Variants in GRM8 observed in about 807,000 individuals in gnomAD.
The protein encoded by GRM8 is metabotropic glutamate receptor 8.
Under a neutral mutation model 87.2 loss-of-function variants are expected in GRM8, and 47 were observed. The ratio of observed to expected loss-of-function variants is 0.54; its 90% CI spans 0.43 to 0.69. The LOEUF (loss-of-function observed/expected upper bound fraction) is 0.69, where lower values mean the gene tolerates loss of function less well. Ranked by LOEUF, GRM8 falls within the 30% of genes least tolerant of loss-of-function variation. The probability of loss-of-function intolerance (pLI) is 0.00; values close to 1 mark genes in which losing one functional copy is unlikely to be tolerated. For missense variants in GRM8, 1,019 were observed against 1,139.2 expected (o/e 0.89, Z 1.52); for synonymous variants, 396 against 404.5 (o/e 0.98, Z 0.25).
At chr7:126,990,873 G>A (rs188711671) in intron 3 of GRM8, among the ~76,000 whole-genome samples, 44 of 152,198 alleles carry the variant, frequency 2.9e-4, no homozygotes, top group Admixed American at 2.9e-3. Flanking sequence ...AAAAATAAAT[G>A]TTGCTTTTTT....
chr7:127,022,828 G>C (rs529011346), intron 3 of GRM8, among the ~76,000 whole-genome samples: 1 of 152,040 alleles, frequency 6.6e-6, no homozygotes, highest in African/African-American at 2.4e-5. Context: ...GTGTAGCATA[G>C]TGACTTCAGT....
At chr7:126,927,814 C>T (rs1399155235) in intron 3 of GRM8, among the ~76,000 whole-genome samples, 2 of 152,122 alleles carry the variant, frequency 1.3e-5, no homozygotes, top group Non-Finnish European at 2.9e-5. Flanking sequence ...TGTGGCAATT[C>T]CTCAAGGATC....
intron 2 of GRM8, among the ~76,000 whole-genome samples, chr7:127,196,594 A>T (rs1397855699): frequency 6.6e-6 from 1 of 152,070 alleles, no homozygotes; most frequent in Non-Finnish European, 1.5e-5. Context: ...CCTTTAGATA[A>T]CATATTATTC....
intron 7 of GRM8, among the ~76,000 whole-genome samples, chr7:126,730,982 C>G (rs970339813): frequency 5.9e-5 from 9 of 152,052 alleles, no homozygotes; most frequent in African/African-American, 2.2e-4. Flanking sequence ...ATTTTATTAA[C>G]AAACCTTGTT....
At chr7:127,033,402 C>T (rs754481664) in intron 3 of GRM8, among the ~76,000 whole-genome samples, 2 of 151,912 alleles carry the variant, frequency 1.3e-5, no homozygotes, top group Admixed American at 6.6e-5. Context: ...ACACCTATAT[C>T]TCTAGTAATA....
intron 9 of GRM8, among the ~76,000 whole-genome samples, chr7:126,472,596 A>G (rs1422286267): frequency 6.6e-6 from 1 of 152,206 alleles, no homozygotes; most frequent in African/African-American, 2.4e-5. Flanking sequence ...ATGCAATAGA[A>G]AGTGAAAACC....
chr7:126,926,373 G>C (rs1365440616), intron 3 of GRM8, among the ~76,000 whole-genome samples: 1 of 152,014 alleles, frequency 6.6e-6, no homozygotes, highest in Non-Finnish European at 1.5e-5. Context: ...CATTCAATGA[G>C]TCACTAAGTC....
chr7:126,568,066 A>G (rs1356547078), intron 8 of GRM8, among the ~76,000 whole-genome samples: 1 of 152,204 alleles, frequency 6.6e-6, no homozygotes, highest in Non-Finnish European at 1.5e-5. Flanking sequence ...AATTAAAATT[A>G]TTTGGTAAAC....
chr7:126,609,709 T>C (rs1277226932), intron 7 of GRM8, among the ~76,000 whole-genome samples: 2 of 152,204 alleles, frequency 1.3e-5, no homozygotes, highest in East Asian at 1.9e-4. Flanking sequence ...ACGTGCTTTA[T>C]TGTACATATT....
At chr7:127,082,850 C>A (rs532172968) in intron 3 of GRM8, among the ~76,000 whole-genome samples, 35 of 152,236 alleles carry the variant, frequency 2.3e-4, no homozygotes, top group African/African-American at 8.4e-4. Context: ...GCAGGTGGGG[C>A]TTGGAGAAAT....
chr7:126,878,651 C>G (rs1799746753), intron 6 of GRM8, among the ~76,000 whole-genome samples: 1 of 151,746 alleles, frequency 6.6e-6, no homozygotes, highest in Admixed American at 6.6e-5. Context: ...TCCCAAATAG[C>G]TGGGATTATG....
Position 127,106,602 on chromosome 7 carries a change from C to T in GRM8, c.621G>A (p.Val207=), listed in dbSNP as rs1247607775. The change falls in exon 3 of 11, where the codon GTG becomes GTA. Residue 207 remains valine (V), a synonymous_variant. Transcript: ENST00000339582. ...PPDSYQAQAM[V]DIVTALGWNY... ...TCCATCCCAGTGCTGTCACGATGTCCACCATGGCTTGGGCTTGGTAGGAGT... is the reference window on the plus strand; with the variant it reads ...TCCATCCCAGTGCTGTCACGATGTCTACCATGGCTTGGGCTTGGTAGGAGT... The T allele has an allele frequency of 6.2e-7, 1 of 1,614,010 alleles. No individual in the cohort carries two copies. Among genetic ancestry groups the T allele is most frequent in the Admixed American group, 1.7e-5 (1 of 60,000 alleles).
chr7:126,634,316 C>T (rs896396176), intron 7 of GRM8, among the ~76,000 whole-genome samples: 41 of 152,148 alleles, frequency 2.7e-4, no homozygotes, highest in African/African-American at 9.9e-4. Flanking sequence ...TATTGAAGTC[C>T]TGCAGTGCCA....
intron 3 of GRM8, among the ~76,000 whole-genome samples, chr7:126,919,838 C>T (rs186691171): frequency 1.6e-3 from 239 of 152,228 alleles, no homozygotes; most frequent in African/African-American, 5.6e-3. Flanking sequence ...ATACAACACC[C>T]TTTCAATTAC....
intron 7 of GRM8, among the ~76,000 whole-genome samples, chr7:126,734,030 A>G (rs1813912412): frequency 6.6e-6 from 1 of 152,170 alleles, no homozygotes; most frequent in African/African-American, 2.4e-5. Flanking sequence ...TATACCTACA[A>G]TTACCTGAAA....
intron 8 of GRM8, among the ~76,000 whole-genome samples, chr7:126,585,011 T>A: frequency 6.6e-6 from 1 of 152,286 alleles, no homozygotes; most frequent in Admixed American, 6.5e-5. Context: ...ATGTTATTAA[T>A]CATATAAAGA....
intron 3 of GRM8, among the ~76,000 whole-genome samples, chr7:127,068,477 C>A (rs1013483211): frequency 8.5e-5 from 13 of 152,082 alleles, no homozygotes; most frequent in Admixed American, 7.9e-4. Context: ...TGGTGCTAAA[C>A]TCAAGACAGT....
chr7:126,949,042 C>G (rs527259131), intron 3 of GRM8, among the ~76,000 whole-genome samples: 1 of 152,294 alleles, frequency 6.6e-6, no homozygotes, highest in East Asian at 1.9e-4. Flanking sequence ...AAGGTCCTCA[C>G]CTATCAAATG....
chr7:126,884,580 G>T (rs983063840), intron 6 of GRM8, among the ~76,000 whole-genome samples: 4 of 152,128 alleles, frequency 2.6e-5, no homozygotes, highest in African/African-American at 9.7e-5. Flanking sequence ...AAATAGAAAT[G>T]ATAGCAGAAA....
Sources: allele counts gnomAD v4.1 joint callset (sites outside exome capture counted in the v4.1 genomes callset), GRCh38; gene constraint gnomAD v4.1.1; transcripts MANE v1.5; gene names NCBI Gene and HGNC (gene_info 2026-07-23, HGNC 2026-07-21).